The following ELAVL2 variants were observed in gnomAD, a reference collection of about 807,000 sequenced individuals.
The protein encoded by ELAVL2 is ELAV-like protein 2.
ELAVL2 carries 4 observed loss-of-function variants against 34.6 expected under a neutral mutation model. The ratio of observed to expected loss-of-function variants is 0.12; its 90% CI spans 0.06 to 0.26. ELAVL2 has a LOEUF of 0.26. ELAVL2 is among the 10% of genes least tolerant of loss of function. The pLI, the probability that ELAVL2 is intolerant of heterozygous loss-of-function variation, is 1.00. For synonymous variants in ELAVL2, 193 were observed against 154.8 expected, an observed-to-expected ratio of 1.25 and a Z score of -1.83; for missense variants, 432 against 442.8, an observed-to-expected ratio of 0.98 and a Z score of 0.22.
chr9:23,817,659 G>T (rs571593582), intron 1 of ELAVL2, among the ~76,000 whole-genome samples: 2 of 152,238 alleles, frequency 1.3e-5, no homozygotes, highest in African/African-American at 4.8e-5. Flanking sequence ...TGGAATACAA[G>T]CTTAGAGATA....
intron 2 of ELAVL2, among the ~76,000 whole-genome samples, chr9:23,748,087 A>G (rs1249452501): frequency 6.6e-6 from 1 of 150,416 alleles, no homozygotes; most frequent in Non-Finnish European, 1.5e-5. Flanking sequence ...TAATTGTTCC[A>G]GTGGTCTAAA....
Position 23,760,204 on chromosome 9 carries a change from A to G in ELAVL2, c.229+1802T>C, listed in dbSNP as rs191492237. 1.1e-3 allele frequency among the ~76,000 whole-genome samples: 174 copies of G among 152,098 alleles called. 1 individual carries two copies. The highest frequency in any genetic ancestry group is 4.1e-3 in the African/African-American group (169 of 41,556). On this transcript the variant is annotated intron_variant, in intron 2 of 6. Transcript: ENST00000397312. ...TAGAGGTGAGACGTGAGGATCTGTAAGATGTCTCCTGTGGCAGATGCCTAA... is the reference window on the plus strand; with the variant it reads ...TAGAGGTGAGACGTGAGGATCTGTAGGATGTCTCCTGTGGCAGATGCCTAA...
chr9:23,824,939 G>T (rs2138681306), intron 1 of ELAVL2, among the ~76,000 whole-genome samples: 1 of 152,246 alleles, frequency 6.6e-6, no homozygotes, highest in African/African-American at 2.4e-5. Context: ...CCCTCTCCCC[G>T]AAGGCGAAGT....
intron 1 of ELAVL2, among the ~76,000 whole-genome samples, chr9:23,797,925 T>A (rs1020492129): frequency 6.6e-6 from 1 of 151,278 alleles, no homozygotes; most frequent in Non-Finnish European, 1.5e-5. Flanking sequence ...TGAAACTCTG[T>A]CTCAAAAGAA....
At chr9:23,741,507 C>T (rs1362360196) in intron 2 of ELAVL2, among the ~76,000 whole-genome samples, 1 of 151,958 alleles carries the variant, frequency 6.6e-6, no homozygotes, top group African/African-American at 2.4e-5. Context: ...TCCCTCCCCT[C>T]TCAACTCTTT....
intron 1 of ELAVL2, among the ~76,000 whole-genome samples, chr9:23,764,852 T>C (rs180812915): frequency 8.5e-4 from 129 of 152,262 alleles, no homozygotes; most frequent in African/African-American, 3.0e-3. Flanking sequence ...AAAATTGCAA[T>C]GTGCTTTAAG....
At chr9:23,786,442 C>G (rs2059691312) in intron 1 of ELAVL2, among the ~76,000 whole-genome samples, 1 of 151,822 alleles carries the variant, frequency 6.6e-6, no homozygotes, top group South Asian at 2.1e-4. Flanking sequence ...GACAACAACC[C>G]AAAGGTGATT....
intron 1 of ELAVL2, among the ~76,000 whole-genome samples, chr9:23,825,397 G>A (rs2065236865): frequency 6.6e-6 from 1 of 152,178 alleles, no homozygotes; most frequent in Non-Finnish European, 1.5e-5. Flanking sequence ...CCAGGCTTCT[G>A]ATTCCCCTTA....
At chr9:23,821,364 T>G (rs2138575243) in intron 1 of ELAVL2, 1 of 151,796 alleles carries the variant, frequency 6.6e-6, no homozygotes, top group East Asian at 2.0e-4. Flanking sequence ...GGAGGGGCGG[T>G]GCCACCTCCC....
chr9:23,822,542 C>A (rs554379129), intron 1 of ELAVL2, among the ~76,000 whole-genome samples: 1 of 152,310 alleles, frequency 6.6e-6, no homozygotes, highest in East Asian at 1.9e-4. Flanking sequence ...CTTCGCCAAG[C>A]TCAATCCCTT....
chr9:23,818,419 G>T (rs1308820296), intron 1 of ELAVL2, among the ~76,000 whole-genome samples: 2 of 152,110 alleles, frequency 1.3e-5, no homozygotes, highest in African/African-American at 2.4e-5. Flanking sequence ...CAACCATACC[G>T]GTTACAAGCT....
chr9:23,704,111 T>C (rs1181517637), intron 4 of ELAVL2, among the ~76,000 whole-genome samples: 1 of 124,194 alleles, frequency 8.1e-6, no homozygotes, highest in East Asian at 2.6e-4. Flanking sequence ...TTTGTATTTT[T>C]AGTAGAGATG....
At chr9:23,772,209 G>T (rs965317226) in intron 1 of ELAVL2, among the ~76,000 whole-genome samples, 2 of 152,084 alleles carry the variant, frequency 1.3e-5, no homozygotes, top group Non-Finnish European at 2.9e-5. Context: ...ATTGTGAAAG[G>T]CTGATTGGAA....
chr9:23,793,201 G>C (rs1447029838), intron 1 of ELAVL2, among the ~76,000 whole-genome samples: 1 of 152,196 alleles, frequency 6.6e-6, no homozygotes, highest in African/African-American at 2.4e-5. Flanking sequence ...CAAGGGGCTT[G>C]TTATGGCAAA....
rs1463364529 is a variant in ELAVL2, at chr9:23,705,057, G to A, written c.348C>T (p.Arg116=). ...QTKTIKVSYA[R]PSSASIRDAN... ...CATCTCTGATAGAAGCTGAACTTGG[G>A]CGAGCATAGGAAACCTGGAAAAGGA... Residue 116 remains arginine (R), a synonymous_variant, in exon 4 of 7, where the codon CGC becomes CGT. Coordinates refer to ENST00000397312, the MANE Select transcript of ELAVL2 (RefSeq NM_004432.5). 9 of 1,613,940 alleles carry A rather than the reference G, an allele frequency of 5.6e-6. No homozygotes were observed. Among genetic ancestry groups the A allele is most frequent in the East Asian group, 2.2e-5 (1 of 44,882 alleles).
chr9:23,790,067 G>T (rs1474605207), intron 1 of ELAVL2, among the ~76,000 whole-genome samples: 2 of 149,316 alleles, frequency 1.3e-5, no homozygotes, highest in South Asian at 2.1e-4. Flanking sequence ...GTAAAAAAGG[G>T]GAAAAAAAAA....
chr9:23,765,121 T>G, intron 1 of ELAVL2: 1 of 1,576,772 alleles, frequency 6.3e-7, no homozygotes, highest in African/African-American at 1.4e-5. Flanking sequence ...ACACAAAAAG[T>G]ACCGTATGTT....
chr9:23,716,181 G>A (rs866117149), intron 3 of ELAVL2, among the ~76,000 whole-genome samples: 1 of 135,828 alleles, frequency 7.4e-6, no homozygotes, highest in Non-Finnish European at 1.6e-5. Flanking sequence ...TGGGGGAGGG[G>A]GGAGGGATAG....
In ELAVL2 at chr9:23,701,434, G is replaced by C. The variant is rs1416075827; in HGVS notation, c.658C>G (p.Gln220Glu). 6.2e-7 allele frequency: 1 copy of C among 1,614,098 alleles called. No homozygotes were observed. Among genetic ancestry groups the C allele is most frequent in the Non-Finnish European group, 8.5e-7 (1 of 1,179,986 alleles). ...CCTGGATACCTTCTGTTTGGAGACT[G>C]GTACAGCTGGGAAAGGATGGCCTGA... ...TNQAILSQLY[Q>E]SPNRRYPGPL... The change falls in exon 5 of 7, where the codon CAG becomes GAG. Residue 220 changes from glutamine (Q) to glutamate (E), a missense_variant. Gln to Glu is a conservative substitution (Grantham distance 29). This residue lies in a region of ELAVL2 where 295 missense variants were observed against 306.1 expected (regional missense o/e 0.96). Transcript: ENST00000397312.
Sources: allele counts gnomAD v4.1 joint callset (sites outside exome capture counted in the v4.1 genomes callset), GRCh38; gene constraint gnomAD v4.1.1; regional missense constraint gnomAD v4.1.1; transcripts MANE v1.5; gene names NCBI Gene and HGNC (gene_info 2026-07-23, HGNC 2026-07-21).